The following ARMC9 variants were observed in gnomAD, a reference collection of about 807,000 sequenced individuals.
ARMC9 encodes the protein lisH domain-containing protein ARMC9.
ARMC9 carries 94 observed loss-of-function variants against 107.0 expected under a neutral mutation model. That is an observed-to-expected ratio of 0.88 (90% CI 0.74 to 1.04). The LOEUF (loss-of-function observed/expected upper bound fraction) is 1.04. Ranked by LOEUF, ARMC9 falls within the 50% of genes least tolerant of loss-of-function variation. ARMC9 has a pLI of 0.00. For synonymous variants in ARMC9, 380 were observed against 396.9 expected, an observed-to-expected ratio of 0.96 and a Z score of 0.51; for missense variants, 942 against 1,030.1, an observed-to-expected ratio of 0.91 and a Z score of 1.17.
chr2:231,346,575 G>C (rs950355244), intron 21 of ARMC9, among the ~76,000 whole-genome samples: 5 of 152,146 alleles, frequency 3.3e-5, no homozygotes, highest in African/African-American at 1.2e-4. Context: ...ACATTTGTGT[G>C]CCCTATCTCT....
intron 8 of ARMC9, among the ~76,000 whole-genome samples, chr2:231,237,024 G>A (rs541680733): frequency 5.9e-5 from 9 of 152,334 alleles, no homozygotes; most frequent in African/African-American, 1.2e-4. Context: ...TAAAAGAACC[G>A]CGTTGTTTTG....
At chr2:231,257,147 G>A (rs1430344611) in intron 10 of ARMC9, among the ~76,000 whole-genome samples, 3 of 152,294 alleles carry the variant, frequency 2.0e-5, no homozygotes, top group Non-Finnish European at 2.9e-5. Flanking sequence ...CTTTTGGTAA[G>A]GAAGCCTCAA....
intron 23 of ARMC9, among the ~76,000 whole-genome samples, chr2:231,366,364 A>C (rs925897738): frequency 2.6e-5 from 4 of 152,106 alleles, no homozygotes; most frequent in African/African-American, 9.7e-5. Context: ...ATTTGACCGA[A>C]TATCTGGGCA....
rs35643982 is a variant in ARMC9 at position 231,208,216 on chromosome 2, C to T, written c.141C>T (p.Gly47=). The change falls in exon 3 of 25, where the codon GGC becomes GGT. Residue 47 remains glycine, a synonymous_variant. Coordinates refer to ENST00000611582, the MANE Select transcript of ARMC9 (RefSeq NM_001352754.2). The part of the protein sequence containing the change: ...IKGKPLCKTV[G]GSFRDSKSLT... ...GAAAACCATTGTGTAAAACAGTAGG[C>T]GGATCTTTCAGAGACTCCAAATCAT... is the stretch of plus-strand genomic sequence containing the variant. The T allele has an allele frequency of 0.063, 101,540 of 1,608,666 alleles. 3,725 individuals are homozygous for T. The highest frequency in any genetic ancestry group is 0.074 in the Non-Finnish European group (87,462 of 1,177,016).
intron 12 of ARMC9, among the ~76,000 whole-genome samples, chr2:231,262,625 T>G (rs1489969535): frequency 6.6e-6 from 1 of 152,150 alleles, no homozygotes; most frequent in Non-Finnish European, 1.5e-5. Context: ...TTTTCTGCCG[T>G]TTTTCCTTTT....
At chr2:231,324,088 G>A (rs1273798324) in intron 19 of ARMC9, among the ~76,000 whole-genome samples, 3 of 149,792 alleles carry the variant, frequency 2.0e-5, no homozygotes, top group Non-Finnish European at 3.0e-5. Context: ...GTTAGGGAGG[G>A]CCTATCAATT....
At chr2:231,239,841 C>A in intron 8 of ARMC9, 102 bp from the exon 9 acceptor site, 1 of 928,864 alleles carries the variant, frequency 1.1e-6, no homozygotes, top group Non-Finnish European at 1.7e-6. Flanking sequence ...TCATGCCTTA[C>A]AGAAAGCTGT....
intron 19 of ARMC9, among the ~76,000 whole-genome samples, chr2:231,324,284 C>T (rs1455316930): frequency 6.6e-5 from 10 of 151,348 alleles, no homozygotes; most frequent in African/African-American, 9.7e-5. Flanking sequence ...CACGCCACCA[C>T]GCCCAGCTAA....
intron 19 of ARMC9, among the ~76,000 whole-genome samples, chr2:231,318,793 C>T (rs563973993): frequency 5.2e-4 from 79 of 152,338 alleles, no homozygotes; most frequent in African/African-American, 1.7e-3. Context: ...GAGGAATTGC[C>T]TGACCTACTC....
In ARMC9 at chr2:231,234,222, A is replaced by T. The variant is rs369429749; in HGVS notation, c.623-1002A>T. 7.2e-5 allele frequency among the ~76,000 whole-genome samples: 11 copies of T among 152,300 alleles called. No homozygotes were observed. In the East Asian group the frequency reaches 2.1e-3, roughly 29 times the overall value. On this transcript the variant is annotated intron_variant, in intron 7 of 24. Transcript: ENST00000611582. ...AAAGTGTGACTTTCAAGAAAGAGGG[A>T]AGGTGGTATGGGCAAAGAAGTGCCA...
At chr2:231,340,343 A>G (rs2044421617) in intron 20 of ARMC9, among the ~76,000 whole-genome samples, 3 of 152,212 alleles carry the variant, frequency 2.0e-5, no homozygotes, top group Admixed American at 6.5e-5. Flanking sequence ...GAGGAAGATT[A>G]GAATGTCCTT....
At chr2:231,226,474 G>T (rs977272415) in intron 6 of ARMC9, among the ~76,000 whole-genome samples, 3 of 152,174 alleles carry the variant, frequency 2.0e-5, no homozygotes, top group Non-Finnish European at 4.4e-5. Context: ...CAGTGGGGAA[G>T]GCCTTTGGAA....
rs565033382 is a variant in ARMC9 at position 231,209,145 on chromosome 2, G to A, written c.177+893G>A. On this transcript the variant is annotated intron_variant, in intron 3 of 24. Coordinates refer to ENST00000611582, the MANE Select transcript of ARMC9 (RefSeq NM_001352754.2). ...TTGAACTCCTGACCTCAAGTGATCC[G>A]CCCGCCTTGGCCTCCCAAAAGTGCT... is the stretch of plus-strand genomic sequence containing the variant. Among the ~76,000 whole-genome samples the A allele has an allele frequency of 1.2e-4, 19 of 152,076 alleles. No individual in the cohort carries two copies. In the East Asian group the frequency reaches 1.5e-3, roughly 12 times the overall value.
At position 231,370,057 on chromosome 2, in the gene ARMC9, TCTC is replaced by T; in HGVS notation, c.2367_2369del (p.Ser791del). 6.5e-7 allele frequency: 1 copy of T among 1,535,292 alleles called. No homozygotes were observed. The highest frequency in any genetic ancestry group is 8.7e-7 in the Non-Finnish European group (1 of 1,146,484). ...AAGGCGTCAGTTCTGGCCCCTCTGT[TCTC>T]TTCGTGTGGCCCCCAGCAGGCCAGC... On this transcript the variant is annotated inframe_deletion, in exon 24 of 25. Transcript: ENST00000611582.
rs943004275 is a variant in ARMC9 at position 231,360,075 on chromosome 2, A to G, written c.2132-679A>G. ...AGAAGAGGAGAGGCGGGGTGGGGGA[A>G]GGGGTGCGTGGCATCTGAGATGCAG... On this transcript the variant is annotated intron_variant, in intron 22 of 24. Transcript: ENST00000611582. The surrounding 1 kb of genome is among the most constrained non-coding windows in gnomAD (Gnocchi z 4.7). Among the ~76,000 whole-genome samples the G allele has an allele frequency of 6.6e-6, 1 of 152,092 alleles. No homozygotes were observed. Among genetic ancestry groups the G allele is most frequent in the Non-Finnish European group, 1.5e-5 (1 of 68,002 alleles).
chr2:231,223,146 A>G (rs141593061), intron 6 of ARMC9, among the ~76,000 whole-genome samples: 19 of 152,342 alleles, frequency 1.2e-4, no homozygotes, highest in East Asian at 1.9e-4. Flanking sequence ...TCACTTAACC[A>G]CTTTTAAGCC....
chr2:231,306,742 C>G (rs1227433249), intron 19 of ARMC9, among the ~76,000 whole-genome samples: 1 of 150,878 alleles, frequency 6.6e-6, no homozygotes, highest in Non-Finnish European at 1.5e-5. Context: ...CCTAAGAACT[C>G]AGGCAAGGAG....
chr2:231,374,030 C>A lies in ARMC9; in HGVS notation c.*2495C>A, dbSNP rs1026945254. ...ACTCCTGGGCTCACGCCTCTGCATT[C>A]CAAGGCTGACAGCTAGAAATATACT... On this transcript the variant is annotated 3_prime_UTR_variant, in exon 25 of 25. Transcript: ENST00000611582. The A allele has an allele frequency of 2.0e-5, 3 of 152,176 alleles. No individual in the cohort carries two copies. The highest frequency in any genetic ancestry group is 7.2e-5 in the African/African-American group (3 of 41,430). 9.4% of individuals were successfully genotyped at this position (152,176 alleles called of 1,614,324 possible).
intron 23 of ARMC9, among the ~76,000 whole-genome samples, chr2:231,364,823 TGGCCCTC>T (rs1310879820): frequency 2.0e-5 from 3 of 149,026 alleles, no homozygotes; most frequent in African/African-American, 7.4e-5. Flanking sequence ...AGAAAGAAAG[TGGCCCTC>T]GGCAGAGCAT....
Sources: gnomAD v4.1 joint callset for allele counts (sites outside exome capture counted in the v4.1 genomes callset) on GRCh38, gnomAD v4.1.1 for gene constraint, Gnocchi (gnomAD v3.1) non-coding constraint, MANE v1.5 for transcripts, NCBI Gene and HGNC (gene_info 2026-07-23, HGNC 2026-07-21) for gene names.